Variants in GJA3 observed in about 807,000 individuals in gnomAD.
The protein encoded by GJA3 is gap junction alpha-3 protein.
For missense variants in GJA3, 571 were observed against 620.3 expected (o/e 0.92, Z 0.84); for synonymous variants, 297 against 292.6 (o/e 1.02, Z -0.15).
chr13:20,146,355 C>G (rs1335880154), intron 1 of GJA3, among the ~76,000 whole-genome samples: 3 of 152,346 alleles, frequency 2.0e-5, no homozygotes, highest in East Asian at 3.9e-4. Flanking sequence ...CCCCAAATGC[C>G]TATCGTGCAC....
chr13:20,150,338 G>C (rs1337965266), intron 1 of GJA3, among the ~76,000 whole-genome samples: 2 of 151,612 alleles, frequency 1.3e-5, no homozygotes, highest in Admixed American at 6.6e-5. Flanking sequence ...GCAAAGAACA[G>C]AGATGAAGAG....
chr13:20,141,472 T>C lies in GJA3; in HGVS notation c.*509A>G, dbSNP rs141040647. ...CATAGACTTGCTGTAAATCTTTTTT[T>C]AGTGCAGTTTGGCAAATATCCCAAA... On this transcript the variant is annotated 3_prime_UTR_variant, in exon 2 of 2. Transcript: ENST00000241125. 2,455 of 153,024 alleles carry C rather than the reference T, an allele frequency of 0.016. 39 individuals are homozygous for C. The highest frequency in any genetic ancestry group is 0.024 in the Admixed American group (366 of 15,330). 9.5% of individuals were successfully genotyped at this position (153,024 alleles called of 1,614,324 possible).
intron 1 of GJA3, among the ~76,000 whole-genome samples, chr13:20,143,601 C>G (rs931886525): frequency 6.6e-6 from 1 of 152,256 alleles, no homozygotes; most frequent in Non-Finnish European, 1.5e-5. Flanking sequence ...GAGGCTGACC[C>G]TACAGGAGCT....
intron 1 of GJA3, among the ~76,000 whole-genome samples, chr13:20,156,221 T>C (rs552486511): frequency 3.3e-5 from 5 of 152,290 alleles, no homozygotes; most frequent in Non-Finnish European, 7.4e-5. Context: ...AAAGTAAATA[T>C]GGTGAACAGT....
chr13:20,156,180 A>G (rs1049686619), intron 1 of GJA3, among the ~76,000 whole-genome samples: 1 of 152,180 alleles, frequency 6.6e-6, no homozygotes, highest in Non-Finnish European at 1.5e-5. Context: ...CATACCTGAA[A>G]AGTCATATGC....
chr13:20,145,041 C>T (rs1011032776), intron 1 of GJA3, among the ~76,000 whole-genome samples: 13 of 152,094 alleles, frequency 8.5e-5, no homozygotes, highest in African/African-American at 3.1e-4. Flanking sequence ...GTTAGCCAGG[C>T]ATGGTGGAGG....
chr13:20,146,825 A>G (rs1483486643), intron 1 of GJA3, among the ~76,000 whole-genome samples: 1 of 152,248 alleles, frequency 6.6e-6, no homozygotes, highest in African/African-American at 2.4e-5. Context: ...GATGTTACCC[A>G]TAAGGAATGA....
At chr13:20,149,297 A>G (rs1176154101) in intron 1 of GJA3, among the ~76,000 whole-genome samples, 1 of 152,112 alleles carries the variant, frequency 6.6e-6, no homozygotes, top group Non-Finnish European at 1.5e-5. Flanking sequence ...GTTCAGGGGC[A>G]GCCTGGGCAA....
At chr13:20,147,829 C>A (rs1309036522) in intron 1 of GJA3, among the ~76,000 whole-genome samples, 3 of 152,228 alleles carry the variant, frequency 2.0e-5, no homozygotes, top group East Asian at 3.9e-4. Context: ...CAAACAGATA[C>A]AATACACTTT....
intron 1 of GJA3, among the ~76,000 whole-genome samples, chr13:20,160,423 G>T (rs1279695492): frequency 6.6e-6 from 1 of 152,250 alleles, no homozygotes; most frequent in African/African-American, 2.4e-5. Context: ...AATGCCCGTG[G>T]ACGGCTGGGT....
At position 20,148,938 on chromosome 13, in the gene GJA3, G is replaced by T. The variant is rs189575306; in HGVS notation, c.-17-5633C>A. Among the ~76,000 whole-genome samples, 66 of 152,376 alleles carry T rather than the reference G, an allele frequency of 4.3e-4. 1 individual carries two copies. In the East Asian group the frequency reaches 0.013, roughly 29 times the overall value. ...GCAGGGTGTTTATGATCTCCCATGA[G>T]ATGGCCCTTAATCTTTTTGGTTCTG... On this transcript the variant is annotated intron_variant, in intron 1 of 1. Transcript: ENST00000241125.
chr13:20,161,456 C>T (rs527535152), upstream of GJA3, among the ~76,000 whole-genome samples: 34 of 152,242 alleles, frequency 2.2e-4, no homozygotes, highest in Non-Finnish European at 4.7e-4. Context: ...CTTCGCAGGC[C>T]CGGCGAGGTA....
At chr13:20,155,299 T>A (rs1392896270) in intron 1 of GJA3, among the ~76,000 whole-genome samples, 4 of 152,180 alleles carry the variant, frequency 2.6e-5, no homozygotes, top group African/African-American at 9.6e-5. Flanking sequence ...AACATGAAAA[T>A]TTTAAAATTA....
At position 20,142,791 on chromosome 13, in the gene GJA3, G is replaced by A; in HGVS notation, c.498C>T (p.Gly166=). The A allele has an allele frequency of 6.2e-7, 1 of 1,613,664 alleles. No individual in the cohort carries two copies. The highest frequency in any genetic ancestry group is 1.1e-5 in the South Asian group (1 of 91,090). Residue 166 remains glycine, a synonymous_variant, in exon 2 of 2, where the codon GGC becomes GGT. Coordinates refer to ENST00000241125, the MANE Select transcript of GJA3 (RefSeq NM_021954.4). ...GCTCGAAGCCGTACAGAAAGTACTG[G>A]CCGGCGATGAAGCCCACCTCGAACA... The part of the protein sequence containing the change: ...KTLFEVGFIA[G]QYFLYGFELK...
intron 1 of GJA3, among the ~76,000 whole-genome samples, chr13:20,146,259 A>G (rs1958841957): frequency 6.6e-6 from 1 of 152,182 alleles, no homozygotes; most frequent in African/African-American, 2.4e-5. Context: ...CAGACTGGAC[A>G]ATGCCACTGG....
chr13:20,146,962 T>G (rs1446418626), intron 1 of GJA3, among the ~76,000 whole-genome samples: 2 of 152,224 alleles, frequency 1.3e-5, no homozygotes, highest in South Asian at 2.1e-4. Flanking sequence ...CTGACTCTAA[T>G]GTGACTGGGA....
intron 1 of GJA3, among the ~76,000 whole-genome samples, chr13:20,154,651 T>G (rs200250370): frequency 1.3e-5 from 2 of 152,370 alleles, no homozygotes; most frequent in East Asian, 3.9e-4. Context: ...TTTTAAAGTT[T>G]TATCATTGAG....
chr13:20,153,621 T>TG (rs1958891710), intron 1 of GJA3, among the ~76,000 whole-genome samples: 2 of 151,872 alleles, frequency 1.3e-5, no homozygotes, highest in African/African-American at 4.8e-5. Flanking sequence ...CATCACACAC[T>TG]GGGGCCTGTT....
chr13:20,139,320 A>AT lies in GJA3; in HGVS notation c.*2660dup, dbSNP rs1456598402. ...TTTGAGTTTTAAAATAGGCTTAGAG[A>AT]TTTTTTAAAACTTTCTAATGAATCA... On this transcript the variant is annotated 3_prime_UTR_variant, in exon 2 of 2. Coordinates refer to ENST00000241125, the MANE Select transcript of GJA3 (RefSeq NM_021954.4). 2.6e-5 allele frequency: 4 copies of AT among 152,110 alleles called. No individual in the cohort carries two copies. The highest frequency in any genetic ancestry group is 5.9e-5 in the Non-Finnish European group (4 of 68,018). The allele number at this position is 152,110 out of a possible 1,614,324, so 9.4% of individuals were successfully genotyped here.
Sources: gnomAD v4.1 joint callset for allele counts (sites outside exome capture counted in the v4.1 genomes callset) on GRCh38, gnomAD v4.1.1 for gene constraint, MANE v1.5 for transcripts, NCBI Gene and HGNC (gene_info 2026-07-23, HGNC 2026-07-21) for gene names.